The following CRAT variants were observed in gnomAD, a reference collection of about 807,000 sequenced individuals.
CRAT encodes the protein carnitine O-acetyltransferase.
A neutral mutation model predicts 73.7 loss-of-function variants in CRAT; 66 were observed. That is an observed-to-expected ratio of 0.90 (90% CI 0.73 to 1.10). The LOEUF (loss-of-function observed/expected upper bound fraction) is 1.10, where lower values mean the gene tolerates loss of function less well. Among genes scored for constraint, CRAT ranks in the 50% least tolerant of loss-of-function variants. CRAT has a pLI of 0.00. For missense variants in CRAT, 745 were observed against 846.9 expected, an observed-to-expected ratio of 0.88 and a Z score of 1.49; for synonymous variants, 321 against 343.2, an observed-to-expected ratio of 0.94 and a Z score of 0.71.
Position 129,107,701 on chromosome 9 carries a change from A to G in CRAT, c.291+113T>C. On this transcript the variant is annotated intron_variant, in intron 2 of 13. Coordinates refer to ENST00000318080, the MANE Select transcript of CRAT (RefSeq NM_000755.5). This position sits in a 1 kb window ranked among gnomAD's most constrained non-coding sequence, Gnocchi z 5.0. ...CCCTGCCAAGTGCCAGACACAGAGT[A>G]TGTGCTCACGAAACTCTGGGCAGCA... 8.2e-6 allele frequency: 12 copies of G among 1,459,374 alleles called. No homozygotes were observed. Among genetic ancestry groups the G allele is most frequent in the Admixed American group, 1.8e-5 (1 of 55,432 alleles). The allele number at this position is 1,459,374 out of a possible 1,614,324, so 90.4% of individuals were successfully genotyped here. A position where few individuals can be genotyped will look rare whatever the true frequency, so the allele number is the denominator to read the frequency against.
In CRAT at chr9:129,095,199, A is replaced by T; in HGVS notation, c.*198T>A. 1.6e-6 allele frequency: 1 copy of T among 626,576 alleles called. No homozygotes were observed. Among genetic ancestry groups the T allele is most frequent in the Non-Finnish European group, 2.8e-6 (1 of 362,692 alleles). 38.8% of individuals were successfully genotyped at this position (626,576 alleles called of 1,614,324 possible). A position where few individuals can be genotyped will look rare whatever the true frequency, so the allele number is the denominator to read the frequency against. ...ACTCAGCCCCAGGTCGGGCCCTGGC[A>T]GGTGCTGGGATGACCCACGGAAGGC... On this transcript the variant is annotated 3_prime_UTR_variant, in exon 14 of 14. Coordinates refer to ENST00000318080, the MANE Select transcript of CRAT (RefSeq NM_000755.5).
At chr9:129,095,919 T>C in intron 13 of CRAT, 79 bp downstream of exon 13, 4 of 1,579,990 alleles carry the variant, frequency 2.5e-6, no homozygotes, top group Non-Finnish European at 3.5e-6. Flanking sequence ...AATGGGTCAG[T>C]GGGGCCTGTG....
chr9:129,109,870 G>A (rs1343225414), intron 1 of CRAT, among the ~76,000 whole-genome samples: 4 of 151,054 alleles, frequency 2.6e-5, no homozygotes, highest in African/African-American at 9.8e-5. Context: ...GCCAGGGTGG[G>A]GAAGGGGGCT....
At position 129,107,924 on chromosome 9, in the gene CRAT, C is replaced by T. The variant is rs1307279120; in HGVS notation, c.181G>A (p.Glu61Lys). The stretch of plus-strand genomic sequence containing the variant: ...AGCTGCTTGGTGTGGGCCCACTCCT[C>T]CTCACTCACGATGGGCTGCAGCGCC... ...LKALQPIVSEEEWAHTKQLVD... is the reference protein window; with the variant it reads ...LKALQPIVSEKEWAHTKQLVD... Residue 61 changes from glutamate to lysine, a missense_variant, in exon 2 of 14, where the codon GAG becomes AAG. Glu to Lys is a moderately conservative substitution (Grantham distance 56). Transcript: ENST00000318080. This position sits in a 1 kb window ranked among gnomAD's most constrained non-coding sequence, Gnocchi z 5.0. The T allele has an allele frequency of 5.6e-6, 9 of 1,610,428 alleles. No individual in the cohort carries two copies. The highest frequency in any genetic ancestry group is 7.6e-6 in the Non-Finnish European group (9 of 1,179,886).
intron 7 of CRAT, 180 bp downstream of exon 7, chr9:129,100,331 A>AG: frequency 1.4e-6 from 1 of 731,094 alleles, no homozygotes; most frequent in Non-Finnish European, 2.2e-6. Context: ...GGCCAGAGGC[A>AG]GGACTGGTGA....
intron 6 of CRAT, 129 bp from the exon 7 acceptor site, chr9:129,100,818 C>T (rs1847627991): frequency 1.7e-6 from 2 of 1,146,060 alleles, no homozygotes. Flanking sequence ...ATGAGGAGAC[C>T]CCCCACCTCG....
intron 12 of CRAT, 45 bp downstream of exon 12, chr9:129,097,205 C>T: frequency 1.3e-6 from 2 of 1,487,592 alleles, no homozygotes; most frequent in Non-Finnish European, 1.8e-6. Flanking sequence ...AGACAGATGG[C>T]TGACACTAAG....
rs1042539101 is a variant in CRAT, at chr9:129,108,883, A to G, written c.28-806T>C. 3.1e-6 allele frequency: 4 copies of G among 1,299,120 alleles called. No individual in the cohort carries two copies. In the Admixed American group the frequency reaches 9.3e-5, roughly 30 times the overall value. The allele number at this position is 1,299,120 out of a possible 1,614,324, so 80.5% of individuals were successfully genotyped here. A position where few individuals can be genotyped will look rare whatever the true frequency, so the allele number is the denominator to read the frequency against. On this transcript the variant is annotated intron_variant, in intron 1 of 13. Coordinates refer to ENST00000318080, the MANE Select transcript of CRAT (RefSeq NM_000755.5). ...CAAAGTGAGTGAGCAGAACCTAGCCAGAGGCAGCCACTTGCCTGGGCTGGA... is the reference window on the plus strand; with the variant it reads ...CAAAGTGAGTGAGCAGAACCTAGCCGGAGGCAGCCACTTGCCTGGGCTGGA...
chr9:129,100,616 G>A lies in CRAT; in HGVS notation c.879C>T (p.Pro293=), dbSNP rs528068632. ...IFTVCLDATM[P]RVSEDVYRSH... is the part of the protein sequence containing the mutation. Reference sequence around the variant, plus strand: ...TGCGGTACACGTCTTCTGAGACCCTGGGCATGGTTGCATCTAGGCACACGG... The same window carrying A: ...TGCGGTACACGTCTTCTGAGACCCTAGGCATGGTTGCATCTAGGCACACGG... The change falls in exon 7 of 14, where the codon CCC becomes CCT. Residue 293 remains proline (P), a synonymous_variant. Coordinates refer to ENST00000318080, the MANE Select transcript of CRAT (RefSeq NM_000755.5). 77 of 1,614,082 alleles carry A rather than the reference G, an allele frequency of 4.8e-5. No homozygotes were observed. The Middle Eastern group carries it at 6.6e-4, about 14-fold the overall frequency.
Position 129,100,824 on chromosome 9 carries a change from C to T in CRAT, c.806-135G>A. 4.8e-6 allele frequency: 5 copies of T among 1,050,438 alleles called. No homozygotes were observed. The South Asian group carries it at 5.1e-5, about 11-fold the overall frequency. The allele number at this position is 1,050,438 out of a possible 1,614,324, so 65.1% of individuals were successfully genotyped here. On this transcript the variant is annotated intron_variant, in intron 6 of 13. Coordinates refer to ENST00000318080, the MANE Select transcript of CRAT (RefSeq NM_000755.5). ...CTCTCTGGGATGAGGAGACCCCCCA[C>T]CTCGCCGGCCCTCCAGGGCATTCAC...
intron 2 of CRAT, among the ~76,000 whole-genome samples, chr9:129,104,827 A>T (rs1244448305): frequency 1.4e-5 from 2 of 147,382 alleles, no homozygotes; most frequent in Non-Finnish European, 3.0e-5. Flanking sequence ...GATGGTCTCG[A>T]TTTCCTGACC....
intron 4 of CRAT, 128 bp downstream of exon 4, chr9:129,102,885 A>G (rs748233950): frequency 1.2e-4 from 106 of 907,094 alleles, no homozygotes; most frequent in Admixed American, 3.2e-4. Flanking sequence ...CCAAGAGGAG[A>G]TTCCAGCAGC....
Position 129,103,106 on chromosome 9 carries a change from CCT to C in CRAT, c.411-42_411-41del. The C allele has an allele frequency of 1.9e-6, 3 of 1,585,188 alleles. No individual in the cohort carries two copies. The South Asian group carries it at 3.3e-5, about 18-fold the overall frequency. On this transcript the variant is annotated intron_variant, in intron 3 of 13. Coordinates refer to ENST00000318080, the MANE Select transcript of CRAT (RefSeq NM_000755.5). This position sits in a 1 kb window ranked among gnomAD's most constrained non-coding sequence, Gnocchi z 4.6. ...TAGAGATTAGAAGCTGCGTGGACACCCTGAGGGAGGCCCCGGGCTAGGGACAC... is the reference window on the plus strand; with the variant it reads ...TAGAGATTAGAAGCTGCGTGGACACCGAGGGAGGCCCCGGGCTAGGGACAC...
chr9:129,108,827 C>T, intron 1 of CRAT: 1 of 1,304,262 alleles, frequency 7.7e-7, no homozygotes, highest in South Asian at 1.2e-5. Context: ...GTCTGTCTGC[C>T]TTGGCTGGAT....
rs954651228 is a variant in CRAT, at chr9:129,108,660, GAGAGAA to G, written c.28-589_28-584del. On this transcript the variant is annotated intron_variant, in intron 1 of 13. Transcript: ENST00000318080. ...GGCATGGAGGGTGAGAGGCGGCAGA[GAGAGAA>G]AGAGAAAGTCCAGGAGGCCCTGGAG... 7.2e-6 allele frequency: 9 copies of G among 1,247,754 alleles called. No homozygotes were observed. The African/African-American group carries it at 1.4e-4, about 19-fold the overall frequency. The allele number at this position is 1,247,754 out of a possible 1,614,324, so 77.3% of individuals were successfully genotyped here.
intron 11 of CRAT, among the ~76,000 whole-genome samples, 195 bp from the exon 12 acceptor site, chr9:129,097,507 G>C (rs1293742541): frequency 6.6e-6 from 1 of 152,102 alleles, no homozygotes; most frequent in Admixed American, 6.5e-5. Flanking sequence ...TCAGGAGTTT[G>C]AGACCAGCCT....
rs1234446737 is a variant in CRAT, at chr9:129,104,324, G to A, written c.292-18C>T. ...TCAGACAGCTGGGAAAAGTGCCAGAGCCTGTCAGGAGGGGTGCATGGGCCC... is the reference window on the plus strand; with the variant it reads ...TCAGACAGCTGGGAAAAGTGCCAGAACCTGTCAGGAGGGGTGCATGGGCCC... On this transcript the variant is annotated intron_variant, in intron 2 of 13. Coordinates refer to ENST00000318080, the MANE Select transcript of CRAT (RefSeq NM_000755.5). The A allele has an allele frequency of 6.2e-7, 1 of 1,603,466 alleles. No individual in the cohort carries two copies. Among genetic ancestry groups the A allele is most frequent in the Admixed American group, 1.7e-5 (1 of 59,956 alleles).
At chr9:129,100,816 A>T in intron 6 of CRAT, 127 bp from the exon 7 acceptor site, 1 of 1,149,948 alleles carries the variant, frequency 8.7e-7, no homozygotes, top group Non-Finnish European at 1.2e-6. Flanking sequence ...GGATGAGGAG[A>T]CCCCCCACCT....
At chr9:129,108,135 C>T in intron 1 of CRAT, 58 bp from the exon 2 acceptor site, 1 of 1,492,768 alleles carries the variant, frequency 6.7e-7, no homozygotes, top group Non-Finnish European at 8.8e-7. Context: ...CCTGGCAGCC[C>T]CAAAGCTGTA....
Sources: allele counts gnomAD v4.1 joint callset (sites outside exome capture counted in the v4.1 genomes callset), GRCh38; gene constraint gnomAD v4.1.1; non-coding constraint Gnocchi (gnomAD v3.1); transcripts MANE v1.5; gene names NCBI Gene and HGNC (gene_info 2026-07-23, HGNC 2026-07-21).